ATF7: variants seen among roughly 807,000 people sequenced by gnomAD.
The protein encoded by ATF7 is cyclic AMP-dependent transcription factor ATF-7.
A neutral mutation model predicts 50.4 loss-of-function variants in ATF7; 10 were observed. The observed-to-expected ratio is 0.20, with a 90% confidence interval of 0.12 to 0.34. The LOEUF is 0.34. Among genes scored for constraint, ATF7 ranks in the 10% least tolerant of loss-of-function variants. The pLI is 1.00. For synonymous variants in ATF7, 201 were observed against 226.4 expected (o/e 0.89, Z 1.01); for missense variants, 465 against 613.9 (o/e 0.76, Z 2.56).
intron 1 of ATF7, among the ~76,000 whole-genome samples, chr12:53,614,169 T>G (rs1944015252): frequency 6.6e-6 from 1 of 152,092 alleles, no homozygotes; most frequent in African/African-American, 2.4e-5. Flanking sequence ...TTTCTAGGCT[T>G]TCAGAGGATT....
At position 53,585,721 on chromosome 12, in the gene ATF7, ACACTGATTTTTC is replaced by A. The variant is rs569287389; in HGVS notation, c.48+15220_48+15231del. Among the ~76,000 whole-genome samples the A allele has an allele frequency of 1.0e-3, 159 of 151,952 alleles. 1 individual carries two copies. Among genetic ancestry groups the A allele is most frequent in the African/African-American group, 3.7e-3 (152 of 41,396 alleles). ...GAGCTTCAATCCAATTATGCCCCAG[ACACTGATTTTTC>A]TATCACTACCTCCCCTTTGTTTCAG... On this transcript the variant is annotated intron_variant, in intron 2 of 11. Transcript: ENST00000420353.
At chr12:53,554,780 T>C (rs1461146131) in intron 2 of ATF7, among the ~76,000 whole-genome samples, 1 of 147,214 alleles carries the variant, frequency 6.8e-6, no homozygotes, top group Non-Finnish European at 1.5e-5. Flanking sequence ...CGAGAATTGC[T>C]TGAACCCGGG....
intron 8 of ATF7, 121 bp from the exon 9 acceptor site, chr12:53,532,017 C>T: frequency 8.9e-7 from 1 of 1,121,072 alleles, no homozygotes; most frequent in South Asian, 1.6e-5. Flanking sequence ...CTAGTTCTCC[C>T]TTAACAGAGG....
chr12:53,533,310 G>T, intron 6 of ATF7, 51 bp from the exon 7 acceptor site: 1 of 1,420,844 alleles, frequency 7.0e-7, no homozygotes, highest in South Asian at 1.2e-5. Flanking sequence ...TTTGTCCATG[G>T]ATCTTCCTCT....
intron 1 of ATF7, among the ~76,000 whole-genome samples, chr12:53,602,046 T>C (rs1285859525): frequency 6.6e-6 from 1 of 152,064 alleles, no homozygotes; most frequent in East Asian, 1.9e-4. Flanking sequence ...TGGATAAAGA[T>C]TAGAAATGCA....
In ATF7 at chr12:53,516,976, C is replaced by A. The variant is rs116634313; in HGVS notation, c.*161G>T. ...CAGCACAGGTGTCAAACGTACATGA[C>A]CACATGGCTAAAAAGCCCCATATCT... On this transcript the variant is annotated 3_prime_UTR_variant, in exon 12 of 12. Transcript: ENST00000420353. 2.9e-3 allele frequency: 2,354 copies of A among 798,436 alleles called. 39 individuals carry two copies. In the African/African-American group the frequency reaches 0.036, roughly 12 times the overall value. 49.5% of individuals were successfully genotyped at this position (798,436 alleles called of 1,614,324 possible).
intron 1 of ATF7, among the ~76,000 whole-genome samples, chr12:53,612,196 G>A (rs996304896): frequency 3.3e-5 from 5 of 151,564 alleles, no homozygotes; most frequent in Admixed American, 6.6e-5. Context: ...GGCTGGTCTC[G>A]AACTCCTGAC....
chr12:53,575,009 T>C, intron 2 of ATF7: 1 of 186,908 alleles, frequency 5.4e-6, no homozygotes, highest in Non-Finnish European at 1.1e-5. Context: ...TGGTGGCTCA[T>C]GCCTGTAATC....
intron 3 of ATF7, 39 bp downstream of exon 3, chr12:53,552,502 G>A: frequency 6.8e-7 from 1 of 1,466,728 alleles, no homozygotes; most frequent in Admixed American, 1.7e-5. Flanking sequence ...TTAACTGCCT[G>A]GTGGTATCAA....
intron 11 of ATF7, among the ~76,000 whole-genome samples, chr12:53,521,307 T>A (rs188033455): frequency 8.9e-4 from 136 of 152,278 alleles, no homozygotes; most frequent in African/African-American, 3.0e-3. Flanking sequence ...TATATCACTT[T>A]TCTGCTGAAA....
intron 9 of ATF7, among the ~76,000 whole-genome samples, chr12:53,528,876 G>A (rs1405333073): frequency 6.6e-6 from 1 of 152,150 alleles, no homozygotes; most frequent in African/African-American, 2.4e-5. Context: ...AGTCATGCAG[G>A]GAATGGAGGT....
chr12:53,587,463 C>G (rs1369003679), intron 2 of ATF7, among the ~76,000 whole-genome samples: 1 of 150,202 alleles, frequency 6.7e-6, no homozygotes, highest in Non-Finnish European at 1.5e-5. Flanking sequence ...CACTTGAGGT[C>G]AGGTGTTCAA....
intron 1 of ATF7, among the ~76,000 whole-genome samples, chr12:53,608,817 C>A (rs1419365151): frequency 1.3e-5 from 2 of 152,154 alleles, no homozygotes; most frequent in African/African-American, 4.8e-5. Flanking sequence ...GAGATCTTCG[C>A]CACAGCAGTC....
chr12:53,590,411 C>T (rs1472908284), intron 2 of ATF7, among the ~76,000 whole-genome samples: 1 of 152,112 alleles, frequency 6.6e-6, no homozygotes, highest in Non-Finnish European at 1.5e-5. Flanking sequence ...ATAAGGCTGC[C>T]CATGGGAAGA....
At chr12:53,603,078 C>T (rs1738100689) in intron 1 of ATF7, among the ~76,000 whole-genome samples, 1 of 152,152 alleles carries the variant, frequency 6.6e-6, no homozygotes, top group African/African-American at 2.4e-5. Flanking sequence ...AAGTAAACTA[C>T]AAGGGCTAGA....
chr12:53,560,684 C>A (rs776080839), intron 2 of ATF7, among the ~76,000 whole-genome samples: 10 of 152,150 alleles, frequency 6.6e-5, no homozygotes, highest in Non-Finnish European at 1.2e-4. Flanking sequence ...GAATTCATGT[C>A]CCTTTCCTTG....
intron 1 of ATF7, among the ~76,000 whole-genome samples, chr12:53,604,426 A>G (rs1943523026): frequency 6.6e-6 from 1 of 152,230 alleles, no homozygotes; most frequent in African/African-American, 2.4e-5. Flanking sequence ...CTGTGTAAGA[A>G]AACAGATTAT....
At chr12:53,561,902 A>G (rs1363147536) in intron 2 of ATF7, among the ~76,000 whole-genome samples, 2 of 152,216 alleles carry the variant, frequency 1.3e-5, no homozygotes, top group East Asian at 1.9e-4. Context: ...TAGAGGAAAA[A>G]CAAGAACAGA....
rs78399076 is a variant in ATF7 at position 53,520,681 on chromosome 12, T to C, written c.1234+2595A>G. On this transcript the variant is annotated intron_variant, in intron 11 of 11. Coordinates refer to ENST00000420353, the MANE Select transcript of ATF7 (RefSeq NM_006856.3). ...GCCTAATAGGCTCCTTAAACTCAGT[T>C]TGTCCAAAACTGAGTTCCTGATATA... Among the ~76,000 whole-genome samples, 194 of 152,238 alleles carry C rather than the reference T, an allele frequency of 1.3e-3. 2 individuals carry two copies. The East Asian group carries it at 0.028, about 22-fold the overall frequency.
Sources: gnomAD v4.1 joint callset for allele counts (sites outside exome capture counted in the v4.1 genomes callset) on GRCh38, gnomAD v4.1.1 for gene constraint, MANE v1.5 for transcripts, NCBI Gene and HGNC (gene_info 2026-07-23, HGNC 2026-07-21) for gene names.